The following EML4 variants were observed in gnomAD, a reference collection of about 807,000 sequenced individuals.
EML4 encodes echinoderm microtubule-associated protein-like 4.
EML4 carries 72 observed loss-of-function variants against 129.0 expected under a neutral mutation model. The ratio of observed to expected loss-of-function variants is 0.56; its 90% confidence interval spans 0.46 to 0.68. EML4 has a LOEUF of 0.68. EML4 is among the 30% of genes least tolerant of loss of function. The pLI is 0.00. For missense variants in EML4, 1,363 were observed against 1,190.6 expected, an observed-to-expected ratio of 1.14 and a Z score of -2.13; for synonymous variants, 532 against 405.0, an observed-to-expected ratio of 1.31 and a Z score of -3.77.
At chr2:42,288,105 C>T (rs1468005266) in intron 10 of EML4, 122 bp from the exon 11 acceptor site, 7 of 449,758 alleles carry the variant, frequency 1.6e-5, no homozygotes, top group Non-Finnish European at 2.0e-5. Flanking sequence ...TTTCAGAGAG[C>T]GATGAGTTTA....
chr2:42,232,226 T>G lies in EML4; in HGVS notation c.26-13279T>G, dbSNP rs567605900. On this transcript the variant is annotated intron_variant, in intron 1 of 22. Transcript: ENST00000318522. Reference sequence around the variant, plus strand: ...TGGCCAGGGTACATAATATACAAATTAGTAATGCACTGCACAAGTGGGAGG... The same window carrying G: ...TGGCCAGGGTACATAATATACAAATGAGTAATGCACTGCACAAGTGGGAGG... Among the ~76,000 whole-genome samples the G allele has an allele frequency of 3.3e-5, 5 of 152,204 alleles. No homozygotes were observed. The South Asian group carries it at 1.0e-3, about 32-fold the overall frequency.
intron 5 of EML4, 62 bp from the exon 6 acceptor site, chr2:42,264,644 G>T (rs2104397497): frequency 1.1e-6 from 1 of 930,706 alleles, no homozygotes; most frequent in South Asian, 1.5e-5. Flanking sequence ...TTCTTGAGGT[G>T]ATTTTAATGG....
In EML4 at chr2:42,311,785, TCTC is replaced by T. The variant is rs1668968097; in HGVS notation, c.1968-4176_1968-4174del. On this transcript the variant is annotated intron_variant, in intron 17 of 22. Transcript: ENST00000318522. The stretch of plus-strand genomic sequence containing the variant: ...ATAAAAATTGGTTAATGAGTTACAT[TCTC>T]AGAAGAAACATAACCTATGGGTACT... Among the ~76,000 whole-genome samples, 3 of 152,258 alleles carry T rather than the reference TCTC, an allele frequency of 2.0e-5. No individual in the cohort carries two copies. In the South Asian group the frequency reaches 6.2e-4, roughly 31 times the overall value.
chr2:42,328,397 G>A (rs1669924282), intron 21 of EML4, among the ~76,000 whole-genome samples: 1 of 152,186 alleles, frequency 6.6e-6, no homozygotes, highest in African/African-American at 2.4e-5. Flanking sequence ...TAAACTAGTG[G>A]ATGGCCTATG....
intron 1 of EML4, among the ~76,000 whole-genome samples, chr2:42,242,840 C>A (rs1279073309): frequency 6.6e-6 from 1 of 151,944 alleles, no homozygotes; most frequent in East Asian, 1.9e-4. Flanking sequence ...TTAAAACTCA[C>A]TGAATCCTTG....
At chr2:42,199,840 A>G (rs1052080727) in intron 1 of EML4, among the ~76,000 whole-genome samples, 4 of 152,210 alleles carry the variant, frequency 2.6e-5, no homozygotes, top group Non-Finnish European at 4.4e-5. Flanking sequence ...TGGTAAATGT[A>G]TCAGGGAAGT....
At position 42,273,570 on chromosome 2, in the gene EML4, T is replaced by C. The variant is rs922946630; in HGVS notation, c.668-7280T>C. Among the ~76,000 whole-genome samples the C allele has an allele frequency of 5.9e-5, 9 of 152,166 alleles. 1 individual carries two copies. On this transcript the variant is annotated intron_variant, in intron 6 of 22. Transcript: ENST00000318522. ...AATCTAAGCTCTTAAGAGGTTAGGT[T>C]CATATCTTTTACACTGTGCATCCCC...
At chr2:42,326,117 A>AGCACTATGATTATACTTCCT (rs1669799134) in intron 20 of EML4, 37 bp from the exon 21 acceptor site, 3 of 1,608,652 alleles carry the variant, frequency 1.9e-6, no homozygotes, top group Non-Finnish European at 2.5e-6. Context: ...TTTGTACACA[A>AGCACTATGATTATACTTCCT]GCACTATGAT....
intron 19 of EML4, among the ~76,000 whole-genome samples, chr2:42,317,934 A>T (rs762608620): frequency 1.1e-4 from 17 of 152,246 alleles, no homozygotes; most frequent in South Asian, 2.1e-4. Context: ...AAAAGAATGT[A>T]TATGGATATT....
chr2:42,214,792 TGGTGG>T (rs1348770580), intron 1 of EML4, among the ~76,000 whole-genome samples: 1 of 152,202 alleles, frequency 6.6e-6, no homozygotes, highest in Non-Finnish European at 1.5e-5. Flanking sequence ...GCCTCTGGTA[TGGTGG>T]CTCAGAGTAG....
intron 1 of EML4, among the ~76,000 whole-genome samples, chr2:42,241,081 G>A (rs2104271561): frequency 6.6e-6 from 1 of 152,096 alleles, no homozygotes; most frequent in East Asian, 1.9e-4. Flanking sequence ...AGAATCTCTT[G>A]AACCCATGAG....
chr2:42,209,735 G>C (rs1469999725), intron 1 of EML4, among the ~76,000 whole-genome samples: 1 of 152,140 alleles, frequency 6.6e-6, no homozygotes, highest in African/African-American at 2.4e-5. Context: ...TTCAAGACCA[G>C]CCTGACCAAC....
intron 6 of EML4, among the ~76,000 whole-genome samples, chr2:42,277,665 T>A (rs1456186367): frequency 6.7e-6 from 1 of 149,306 alleles, no homozygotes; most frequent in Non-Finnish European, 1.5e-5. Context: ...GCCTCCCAGG[T>A]TCAAGCAATT....
intron 1 of EML4, among the ~76,000 whole-genome samples, chr2:42,178,433 C>G (rs539002597): frequency 2.6e-5 from 4 of 151,794 alleles, no homozygotes; most frequent in African/African-American, 9.6e-5. Context: ...ATGCCCAGCT[C>G]CTTGAGAGGC....
intron 1 of EML4, among the ~76,000 whole-genome samples, chr2:42,214,570 T>G (rs1211669171): frequency 6.6e-6 from 1 of 152,198 alleles, no homozygotes; most frequent in Non-Finnish European, 1.5e-5. Flanking sequence ...ACCTAATACT[T>G]AGTGGATTAA....
chr2:42,326,669 T>A (rs1049359726), intron 21 of EML4, among the ~76,000 whole-genome samples: 8 of 152,060 alleles, frequency 5.3e-5, no homozygotes, highest in Non-Finnish European at 1.0e-4. Context: ...ATCACCTGAG[T>A]TCAGGAGTTC....
chr2:42,306,873 G>A (rs1259213243), intron 17 of EML4, among the ~76,000 whole-genome samples: 1 of 152,058 alleles, frequency 6.6e-6, no homozygotes, highest in African/African-American at 2.4e-5. Flanking sequence ...TGCACAGACA[G>A]GAAACCAAGA....
intron 17 of EML4, among the ~76,000 whole-genome samples, chr2:42,315,612 G>A (rs533662330): frequency 6.6e-6 from 1 of 152,194 alleles, no homozygotes; most frequent in African/African-American, 2.4e-5. Context: ...AGTGGCACAT[G>A]CCCGTAATCT....
chr2:42,312,557 A>ATT (rs35842539), intron 17 of EML4, among the ~76,000 whole-genome samples: 1 of 147,694 alleles, frequency 6.8e-6, no homozygotes, highest in Admixed American at 6.7e-5. Context: ...GCCAATCAGA[A>ATT]TTTTTTTTTT....
Sources: allele counts gnomAD v4.1 joint callset (sites outside exome capture counted in the v4.1 genomes callset), GRCh38; gene constraint gnomAD v4.1.1; transcripts MANE v1.5; gene names NCBI Gene and HGNC (gene_info 2026-07-23, HGNC 2026-07-21).